Variants in EMB observed in about 807,000 individuals in gnomAD.
The protein encoded by EMB is embigin homolog.
A neutral mutation model predicts 41.4 loss-of-function variants in EMB; 31 were observed. That is an observed-to-expected ratio of 0.75 (90% CI 0.56 to 1.01). EMB has a LOEUF of 1.01. Among genes scored for constraint, EMB ranks in the 50% least tolerant of loss-of-function variants. EMB has a pLI of 0.00. For missense variants in EMB, 379 were observed against 388.3 expected, an observed-to-expected ratio of 0.98 and a Z score of 0.20; for synonymous variants, 137 against 140.4, an observed-to-expected ratio of 0.98 and a Z score of 0.17.
rs373289093 is a variant in EMB at position 50,410,994 on chromosome 5, G to T, written c.384-29C>A. The T allele has an allele frequency of 6.0e-5, 89 of 1,484,294 alleles. No individual in the cohort carries two copies. In the African/African-American group the frequency reaches 1.0e-3, roughly 17 times the overall value. 91.9% of individuals were successfully genotyped at this position (1,484,294 alleles called of 1,614,324 possible). A position where few individuals can be genotyped will look rare whatever the true frequency, so the allele number is the denominator to read the frequency against. Reference sequence around the variant, plus strand: ...AAGATAATTCAAGTTATTAATATAGGCTTAGTTCTCAAAACCTTAATGAAA... The same window carrying T: ...AAGATAATTCAAGTTATTAATATAGTCTTAGTTCTCAAAACCTTAATGAAA... On this transcript the variant is annotated intron_variant, in intron 3 of 8. Coordinates refer to ENST00000303221, the MANE Select transcript of EMB (RefSeq NM_198449.3).
chr5:50,422,665 G>T (rs567784644), intron 2 of EMB, among the ~76,000 whole-genome samples: 34 of 152,180 alleles, frequency 2.2e-4, no homozygotes, highest in South Asian at 2.1e-3. Flanking sequence ...GCAAATAATA[G>T]GAGGAAATAT....
chr5:50,419,756 A>G (rs1466436445), intron 2 of EMB, among the ~76,000 whole-genome samples: 2 of 152,212 alleles, frequency 1.3e-5, no homozygotes, highest in African/African-American at 4.8e-5. Context: ...ACTATTCACG[A>G]CAGCAAAGAC....
intron 2 of EMB, among the ~76,000 whole-genome samples, chr5:50,419,433 T>A (rs1561136120): frequency 6.6e-6 from 1 of 152,178 alleles, no homozygotes; most frequent in African/African-American, 2.4e-5. Context: ...AAGAACCATT[T>A]AAATTTTGAA....
intron 1 of EMB, among the ~76,000 whole-genome samples, chr5:50,434,342 C>G (rs1745769817): frequency 1.3e-5 from 2 of 152,184 alleles, no homozygotes; most frequent in Non-Finnish European, 1.5e-5. Context: ...TAATAATCTT[C>G]CAATGGCCCT....
In EMB at chr5:50,396,309, T is replaced by G. The variant is rs1745064921; in HGVS notation, c.*2964A>C. ...ATTTACAAAATTTAATTTTTATTTA[T>G]ACATTCATCCGTTCAATACACATTT... On this transcript the variant is annotated 3_prime_UTR_variant, in exon 9 of 9. Coordinates refer to ENST00000303221, the MANE Select transcript of EMB (RefSeq NM_198449.3). 1 of 152,212 alleles carries G rather than the reference T, an allele frequency of 6.6e-6. No individual in the cohort carries two copies. Among genetic ancestry groups the G allele is most frequent in the Non-Finnish European group, 1.5e-5 (1 of 68,044 alleles). 9.4% of individuals were successfully genotyped at this position (152,212 alleles called of 1,614,324 possible). A position where few individuals can be genotyped will look rare whatever the true frequency, so the allele number is the denominator to read the frequency against.
intron 2 of EMB, among the ~76,000 whole-genome samples, chr5:50,412,257 G>GACACAC (rs59853245): frequency 0.011 from 1,521 of 141,726 alleles, 12 homozygotes; most frequent in South Asian, 0.016. Context: ...CACACACACA[G>GACACAC]ACACACACAC....
chr5:50,416,513 A>T (rs1745434114), intron 2 of EMB, among the ~76,000 whole-genome samples: 1 of 152,226 alleles, frequency 6.6e-6, no homozygotes, highest in African/African-American at 2.4e-5. Context: ...TTCTTTATTA[A>T]GAAAAAGAAA....
intron 1 of EMB, among the ~76,000 whole-genome samples, chr5:50,434,003 T>G (rs1476405470): frequency 6.6e-6 from 1 of 152,206 alleles, no homozygotes; most frequent in Non-Finnish European, 1.5e-5. Flanking sequence ...TCAAATCTCC[T>G]TCTCCTTTTT....
At chr5:50,405,155 T>C (rs1745227480) in intron 5 of EMB, among the ~76,000 whole-genome samples, 1 of 151,944 alleles carries the variant, frequency 6.6e-6, no homozygotes, top group South Asian at 2.1e-4. Context: ...GCTCTTTGAA[T>C]AGCGATTTCT....
At position 50,441,059 on chromosome 5, in the gene EMB, C is replaced by G; in HGVS notation, c.93G>C (p.Ser31=). The change falls in exon 1 of 9, where the codon TCG becomes TCC. Residue 31 remains serine (S), a synonymous_variant. Transcript: ENST00000303221. ...TCACACCTGGGGCACTGCCGTCCGCCGAGCTTGGGCGCGCGGCAGCGAGAA... is the reference window on the plus strand; with the variant it reads ...TCACACCTGGGGCACTGCCGTCCGCGGAGCTTGGGCGCGCGGCAGCGAGAA... ...QCLLAAARPS[S]ADGSAPDSPF... The G allele has an allele frequency of 6.6e-7, 1 of 1,509,712 alleles. No individual in the cohort carries two copies. The highest frequency in any genetic ancestry group is 1.2e-5 in the South Asian group (1 of 80,160). 93.5% of individuals were successfully genotyped at this position (1,509,712 alleles called of 1,614,324 possible).
intron 1 of EMB, among the ~76,000 whole-genome samples, chr5:50,429,591 G>T (rs547840270): frequency 6.6e-6 from 1 of 152,202 alleles, no homozygotes; most frequent in South Asian, 2.1e-4. Context: ...AACAGCTTTA[G>T]AAGTTTAATG....
intron 5 of EMB, among the ~76,000 whole-genome samples, chr5:50,405,264 C>G (rs551773818): frequency 2.6e-5 from 4 of 151,870 alleles, no homozygotes; most frequent in Non-Finnish European, 4.4e-5. Context: ...GATTAAGTTA[C>G]AAAGTTTTCA....
intron 1 of EMB, among the ~76,000 whole-genome samples, chr5:50,432,636 T>C (rs1054351711): frequency 6.7e-6 from 1 of 149,788 alleles, no homozygotes; most frequent in African/African-American, 2.5e-5. Context: ...AGGAGCAGAG[T>C]AGCCCTATCC....
chr5:50,432,158 A>G (rs1360968647), intron 1 of EMB, among the ~76,000 whole-genome samples: 1 of 152,196 alleles, frequency 6.6e-6, no homozygotes, highest in African/African-American at 2.4e-5. Flanking sequence ...GCTTTTTTAA[A>G]TCAGGAAATA....
chr5:50,428,415 C>T (rs1215914877), intron 1 of EMB, 188 bp from the exon 2 acceptor site: 1 of 1,215,434 alleles, frequency 8.2e-7, no homozygotes, highest in African/African-American at 1.6e-5. Context: ...GAAAAAAATT[C>T]TGATTTTTTT....
rs779302252 is a variant in EMB, at chr5:50,411,355, A to T, written c.225T>A (p.Asn75Lys). Residue 75 changes from asparagine (N) to lysine (K), a missense_variant, in exon 3 of 9, where the codon AAT (asparagine) becomes AAA (lysine). By Grantham distance (94) the Asn-to-Lys change is moderately conservative. Transcript: ENST00000303221. ...CATTAGAAGGCCTTTCTAAAGTGATATTTTTTTCTACTGGCATACTAGAAT... is the reference window on the plus strand; with the variant it reads ...CATTAGAAGGCCTTTCTAAAGTGATTTTTTTTTCTACTGGCATACTAGAAT... ...TEHSSMPVEK[N>K]ITLERPSNVN... The T allele has an allele frequency of 9.3e-6, 15 of 1,605,768 alleles. No homozygotes were observed. In the African/African-American group the frequency reaches 1.9e-4, roughly 20 times the overall value.
intron 1 of EMB, among the ~76,000 whole-genome samples, chr5:50,436,764 C>T (rs1463930151): frequency 6.6e-6 from 1 of 152,156 alleles, no homozygotes; most frequent in Non-Finnish European, 1.5e-5. Context: ...TGGGCTCCAC[C>T]CACTTAGTGA....
intron 1 of EMB, chr5:50,428,747 C>T: frequency 1.0e-6 from 1 of 985,368 alleles, no homozygotes; most frequent in Non-Finnish European, 1.2e-6. Flanking sequence ...TACCAAGAGG[C>T]ATGCCCTCTA....
At chr5:50,436,300 G>A (rs1424401284) in intron 1 of EMB, among the ~76,000 whole-genome samples, 1 of 152,090 alleles carries the variant, frequency 6.6e-6, no homozygotes, top group African/African-American at 2.4e-5. Context: ...GGATTCCCAT[G>A]GATACTGCCA....
Sources: allele counts gnomAD v4.1 joint callset (sites outside exome capture counted in the v4.1 genomes callset), GRCh38; gene constraint gnomAD v4.1.1; transcripts MANE v1.5; gene names NCBI Gene and HGNC (gene_info 2026-07-23, HGNC 2026-07-21).